The following YPEL1 variants were observed in gnomAD, a reference collection of about 807,000 sequenced individuals.
YPEL1 encodes the protein protein yippee-like 1.
A neutral mutation model predicts 17.3 loss-of-function variants in YPEL1; 7 were observed. The ratio of observed to expected loss-of-function variants is 0.40; its 90% CI spans 0.23 to 0.76. The LOEUF (loss-of-function observed/expected upper bound fraction) is 0.76, where lower values mean the gene tolerates loss of function less well. YPEL1 is among the 30% of genes least tolerant of loss of function. YPEL1 has a pLI of 0.35. For synonymous variants in YPEL1, 59 were observed against 59.6 expected (o/e 0.99, Z 0.05); for missense variants, 91 against 155.5 (o/e 0.59, Z 2.21).
At chr22:21,729,073 G>T (rs932731664) in intron 1 of YPEL1, among the ~76,000 whole-genome samples, 1 of 151,744 alleles carries the variant, frequency 6.6e-6, no homozygotes, top group Non-Finnish European at 1.5e-5. Flanking sequence ...AACCCAGGAG[G>T]CAGAGATTGC....
At chr22:21,718,899 T>C (rs545679972) in intron 1 of YPEL1, among the ~76,000 whole-genome samples, 2 of 152,346 alleles carry the variant, frequency 1.3e-5, no homozygotes, top group African/African-American at 4.8e-5. Flanking sequence ...ATGGGTGATT[T>C]CCCCAAACCT....
intron 2 of YPEL1, 130 bp downstream of exon 2, chr22:21,710,498 A>AG (rs1242808704): frequency 2.4e-6 from 2 of 817,802 alleles, no homozygotes; most frequent in Non-Finnish European, 4.2e-6. Context: ...AATGCTGCCT[A>AG]GAAGGCTCTA....
intron 1 of YPEL1, among the ~76,000 whole-genome samples, chr22:21,720,348 G>A (rs1156303772): frequency 2.0e-5 from 3 of 151,840 alleles, no homozygotes; most frequent in Non-Finnish European, 4.4e-5. Context: ...GACACTACAG[G>A]CCCATGCCAC....
intron 1 of YPEL1, among the ~76,000 whole-genome samples, chr22:21,734,807 G>T (rs1404233656): frequency 5.3e-5 from 8 of 152,194 alleles, no homozygotes; most frequent in Admixed American, 1.3e-4. Context: ...GGTAAACCTA[G>T]TCTTGGGACC....
intron 2 of YPEL1, chr22:21,710,366 C>T: frequency 1.9e-6 from 1 of 522,484 alleles, no homozygotes; most frequent in South Asian, 2.4e-5. Flanking sequence ...ACAAGTGATT[C>T]ACCTTGCCCC....
intron 2 of YPEL1, among the ~76,000 whole-genome samples, chr22:21,709,047 A>G (rs1349010898): frequency 2.6e-5 from 4 of 151,356 alleles, no homozygotes; most frequent in African/African-American, 9.7e-5. Flanking sequence ...CCTTTTGACC[A>G]TGTAGCAAGG....
chr22:21,706,257 C>T (rs1317172570), intron 2 of YPEL1, among the ~76,000 whole-genome samples: 2 of 150,506 alleles, frequency 1.3e-5, no homozygotes, highest in South Asian at 2.1e-4. Flanking sequence ...GGTGAAACCC[C>T]GTCCCTACTA....
chr22:21,735,257 C>G (rs1601648120), intron 1 of YPEL1, among the ~76,000 whole-genome samples: 1 of 152,138 alleles, frequency 6.6e-6, no homozygotes, highest in Admixed American at 6.5e-5. Flanking sequence ...CCCTCATTTC[C>G]TTGCCCAGTT....
chr22:21,715,476 G>A (rs2068212033), intron 1 of YPEL1, among the ~76,000 whole-genome samples: 1 of 151,904 alleles, frequency 6.6e-6, no homozygotes, highest in African/African-American at 2.4e-5. Flanking sequence ...CCTGGAGACA[G>A]AGTGAGACTC....
At chr22:21,727,045 C>A (rs2068342657) in intron 1 of YPEL1, among the ~76,000 whole-genome samples, 1 of 152,094 alleles carries the variant, frequency 6.6e-6, no homozygotes. Context: ...CTTCATTATA[C>A]AGCCCCGCCC....
chr22:21,713,525 T>C (rs908972688), intron 1 of YPEL1, among the ~76,000 whole-genome samples: 6 of 151,914 alleles, frequency 3.9e-5, no homozygotes, highest in African/African-American at 1.5e-4. Flanking sequence ...AAAGGACAAA[T>C]ATTGTATGAG....
chr22:21,711,777 CAG>C (rs774784801), intron 1 of YPEL1, among the ~76,000 whole-genome samples: 26 of 152,162 alleles, frequency 1.7e-4, no homozygotes, highest in Non-Finnish European at 3.5e-4. Flanking sequence ...GAAGGAAACA[CAG>C]GGGAAAAGCT....
intron 1 of YPEL1, among the ~76,000 whole-genome samples, chr22:21,722,403 G>A (rs2068291978): frequency 6.6e-6 from 1 of 152,094 alleles, no homozygotes; most frequent in African/African-American, 2.4e-5. Flanking sequence ...GCAACAGAGT[G>A]AGACTCGTTC....
intron 1 of YPEL1, among the ~76,000 whole-genome samples, chr22:21,728,876 C>T (rs1171490835): frequency 6.6e-6 from 1 of 152,186 alleles, no homozygotes; most frequent in Non-Finnish European, 1.5e-5. Context: ...GGCACACTGG[C>T]TCACGCCTGT....
At chr22:21,729,949 A>G (rs2068372065) in intron 1 of YPEL1, among the ~76,000 whole-genome samples, 1 of 152,080 alleles carries the variant, frequency 6.6e-6, no homozygotes, top group Non-Finnish European at 1.5e-5. Flanking sequence ...GGAGATCGAG[A>G]CCAGCCTGGC....
chr22:21,699,104 G>A lies in YPEL1; in HGVS notation c.*2025C>T, dbSNP rs2068037026. 6.6e-6 allele frequency: 1 copy of A among 152,462 alleles called. No homozygotes were observed. Among genetic ancestry groups the A allele is most frequent in the African/African-American group, 2.4e-5 (1 of 41,478 alleles). The allele number at this position is 152,462 out of a possible 1,614,324, so 9.4% of individuals were successfully genotyped here. A position where few individuals can be genotyped will look rare whatever the true frequency, so the allele number is the denominator to read the frequency against. On this transcript the variant is annotated 3_prime_UTR_variant, in exon 5 of 5. Transcript: ENST00000339468. ...GAGATGGCACCCAAAGGCATGCTGTGTGTGGGCAGTGAGCTCGAGTGGGCA... is the reference window on the plus strand; with the variant it reads ...GAGATGGCACCCAAAGGCATGCTGTATGTGGGCAGTGAGCTCGAGTGGGCA...
intron 2 of YPEL1, among the ~76,000 whole-genome samples, chr22:21,704,422 TG>T (rs1377219477): frequency 6.6e-6 from 1 of 152,154 alleles, no homozygotes; most frequent in Non-Finnish European, 1.5e-5. Flanking sequence ...TTTGGAAGGC[TG>T]AGGTGGGCAG....
intron 2 of YPEL1, among the ~76,000 whole-genome samples, chr22:21,705,933 A>G (rs376396909): frequency 5.9e-5 from 9 of 151,778 alleles, no homozygotes; most frequent in South Asian, 2.1e-4. Flanking sequence ...ATTTTAAGAC[A>G]AGCCTGGCCA....
intron 1 of YPEL1, among the ~76,000 whole-genome samples, chr22:21,717,200 A>AC (rs779657522): frequency 6.6e-6 from 1 of 151,856 alleles, no homozygotes; most frequent in Non-Finnish European, 1.5e-5. Context: ...ACACGGTGAA[A>AC]CCCCGTCTCT....
Sources: gnomAD v4.1 joint callset for allele counts (sites outside exome capture counted in the v4.1 genomes callset) on GRCh38, gnomAD v4.1.1 for gene constraint, MANE v1.5 for transcripts, NCBI Gene and HGNC (gene_info 2026-07-23, HGNC 2026-07-21) for gene names.